PIP5K1B: variants seen among roughly 807,000 people sequenced by gnomAD.
PIP5K1B encodes phosphatidylinositol 4-phosphate 5-kinase type-1 beta.
Under a neutral mutation model 67.0 loss-of-function variants are expected in PIP5K1B, and 42 were observed. That is an observed-to-expected ratio of 0.63 (90% CI 0.49 to 0.81). PIP5K1B has a LOEUF of 0.81. PIP5K1B is among the 30% of genes least tolerant of loss of function. The probability of loss-of-function intolerance (pLI) is 0.00; values close to 1 mark genes in which losing one functional copy is unlikely to be tolerated. For missense variants in PIP5K1B, 459 were observed against 646.3 expected (o/e 0.71, Z 3.14); for synonymous variants, 214 against 231.4 (o/e 0.92, Z 0.68).
chr9:68,978,285 C>T (rs1313573043), intron 14 of PIP5K1B, among the ~76,000 whole-genome samples: 1 of 152,244 alleles, frequency 6.6e-6, no homozygotes, highest in Non-Finnish European at 1.5e-5. Flanking sequence ...CTCACTTCCT[C>T]TTCTTTCCAC....
chr9:68,763,285 A>C (rs533567319), intron 2 of PIP5K1B, among the ~76,000 whole-genome samples: 149 of 152,256 alleles, frequency 9.8e-4, no homozygotes, highest in Admixed American at 1.7e-3. Flanking sequence ...GTATGACTTA[A>C]GTGTGAGATT....
intron 2 of PIP5K1B, chr9:68,780,627 CAG>C: frequency 6.2e-7 from 1 of 1,614,212 alleles, no homozygotes; most frequent in Non-Finnish European, 8.5e-7. Flanking sequence ...AATTGGGAAG[CAG>C]TGTTTTTCGC....
intron 15 of PIP5K1B, among the ~76,000 whole-genome samples, chr9:69,000,375 T>A (rs1456536856): frequency 6.6e-6 from 1 of 152,222 alleles, no homozygotes; most frequent in Non-Finnish European, 1.5e-5. Flanking sequence ...GGGGTTTTTT[T>A]AAAGACTTCC....
At chr9:69,005,068 G>A (rs1327420390) in intron 15 of PIP5K1B, among the ~76,000 whole-genome samples, 1 of 151,916 alleles carries the variant, frequency 6.6e-6, no homozygotes, top group Admixed American at 6.6e-5. Context: ...CTGAGGGTGA[G>A]AGTGAGTGTT....
intron 8 of PIP5K1B, among the ~76,000 whole-genome samples, chr9:68,909,151 A>C (rs751041411): frequency 3.9e-5 from 6 of 152,230 alleles, no homozygotes; most frequent in Non-Finnish European, 8.8e-5. Flanking sequence ...TTATCTAAGC[A>C]TTTCAAAATA....
chr9:68,730,903 C>A (rs1196572773), intron 1 of PIP5K1B, among the ~76,000 whole-genome samples: 1 of 152,186 alleles, frequency 6.6e-6, no homozygotes, highest in African/African-American at 2.4e-5. Context: ...ATACAGTTAT[C>A]CAATATTTCT....
chr9:68,996,697 G>C (rs1830614394), intron 15 of PIP5K1B, among the ~76,000 whole-genome samples: 1 of 152,172 alleles, frequency 6.6e-6, no homozygotes, highest in South Asian at 2.1e-4. Flanking sequence ...ATGCAATTTG[G>C]TTTTCGTGGA....
intron 2 of PIP5K1B, among the ~76,000 whole-genome samples, chr9:68,796,853 A>G (rs1259575209): frequency 6.6e-6 from 1 of 152,196 alleles, no homozygotes; most frequent in Non-Finnish European, 1.5e-5. Context: ...CATGTTTTCT[A>G]GGTTAGTTAT....
chr9:68,785,613 T>C (rs184648156), intron 2 of PIP5K1B, among the ~76,000 whole-genome samples: 6 of 152,334 alleles, frequency 3.9e-5, no homozygotes, highest in Non-Finnish European at 8.8e-5. Flanking sequence ...AATCTATCAC[T>C]ATCATCTGAG....
chr9:68,971,455 A>T (rs1241018879), intron 14 of PIP5K1B, among the ~76,000 whole-genome samples: 1 of 152,172 alleles, frequency 6.6e-6, no homozygotes, highest in Non-Finnish European at 1.5e-5. Context: ...CAATAAACAT[A>T]CTTGTGCGTG....
intron 14 of PIP5K1B, among the ~76,000 whole-genome samples, chr9:68,957,228 G>GAA (rs1435960493): frequency 1.4e-5 from 2 of 147,040 alleles, no homozygotes; most frequent in African/African-American, 2.5e-5. Context: ...GAAGGAAATA[G>GAA]AAAAAGAAAA....
chr9:68,878,456 G>A (rs991380229), intron 6 of PIP5K1B, among the ~76,000 whole-genome samples: 3 of 152,084 alleles, frequency 2.0e-5, no homozygotes, highest in Non-Finnish European at 4.4e-5. Flanking sequence ...TCTTTAAGCT[G>A]GAAAAATTAT....
intron 2 of PIP5K1B, among the ~76,000 whole-genome samples, chr9:68,804,164 A>G (rs1224060577): frequency 6.6e-6 from 1 of 152,104 alleles, no homozygotes; most frequent in Non-Finnish European, 1.5e-5. Flanking sequence ...CAAGGTGAAG[A>G]AGAGGTTTCA....
At chr9:68,960,710 TTTAG>T (rs1163603058) in intron 14 of PIP5K1B, among the ~76,000 whole-genome samples, 3 of 152,222 alleles carry the variant, frequency 2.0e-5, no homozygotes, top group Non-Finnish European at 4.4e-5. Flanking sequence ...AATTTCTTCC[TTTAG>T]TATCCCGTTC....
intron 11 of PIP5K1B, among the ~76,000 whole-genome samples, chr9:68,920,963 T>C (rs766415940): frequency 2.2e-4 from 34 of 152,202 alleles, no homozygotes; most frequent in Non-Finnish European, 2.5e-4. Flanking sequence ...CCTTTTAAGA[T>C]GTTAGCAGAT....
chr9:68,868,934 C>T (rs1823490477), intron 5 of PIP5K1B, among the ~76,000 whole-genome samples: 1 of 152,130 alleles, frequency 6.6e-6, no homozygotes, highest in African/African-American at 2.4e-5. Flanking sequence ...CAGGGAATAC[C>T]CACCTTTTGG....
chr9:68,880,325 G>C (rs1824118689), intron 6 of PIP5K1B, among the ~76,000 whole-genome samples: 1 of 152,138 alleles, frequency 6.6e-6, no homozygotes, highest in African/African-American at 2.4e-5. Context: ...GGCCAAGGTG[G>C]GTGGATCACC....
intron 4 of PIP5K1B, among the ~76,000 whole-genome samples, chr9:68,835,551 A>G (rs7855274): frequency 0.058 from 8,789 of 152,262 alleles, 492 homozygotes; most frequent in African/African-American, 0.14. Context: ...CCCTATGAGA[A>G]TGGGGACTTG....
At chr9:68,982,639 G>A (rs969826713) in intron 14 of PIP5K1B, among the ~76,000 whole-genome samples, 12 of 151,988 alleles carry the variant, frequency 7.9e-5, no homozygotes, top group Admixed American at 2.6e-4. Flanking sequence ...GTGCGCACCT[G>A]TAGTCCCAGC....
Sources: gnomAD v4.1 joint callset for allele counts (sites outside exome capture counted in the v4.1 genomes callset) on GRCh38, gnomAD v4.1.1 for gene constraint, MANE v1.5 for transcripts, NCBI Gene and HGNC (gene_info 2026-07-23, HGNC 2026-07-21) for gene names.